Variants in MAML3 observed in about 807,000 individuals in gnomAD.
The protein encoded by MAML3 is mastermind like transcriptional coactivator 3, also known as mastermind-like protein 3.
Under a neutral mutation model 101.9 loss-of-function variants are expected in MAML3, and 27 were observed. That is an observed-to-expected ratio of 0.27 (90% CI 0.20 to 0.37). MAML3 has a LOEUF of 0.37. Among genes scored for constraint, MAML3 ranks in the 10% least tolerant of loss-of-function variants. The probability of loss-of-function intolerance (pLI) is 1.00; values close to 1 mark genes in which losing one functional copy is unlikely to be tolerated. For missense variants in MAML3, 1,316 were observed against 1,444.9 expected, an observed-to-expected ratio of 0.91 and a Z score of 1.45; for synonymous variants, 501 against 555.9, an observed-to-expected ratio of 0.90 and a Z score of 1.39.
chr4:139,849,172 G>C (rs1731504650), intron 2 of MAML3, among the ~76,000 whole-genome samples: 1 of 152,082 alleles, frequency 6.6e-6, no homozygotes, highest in Admixed American at 6.6e-5. Context: ...TGACTATCCT[G>C]ATCATAGAAA....
intron 2 of MAML3, among the ~76,000 whole-genome samples, chr4:139,835,338 T>C (rs1731239877): frequency 6.6e-6 from 1 of 152,370 alleles, no homozygotes; most frequent in African/African-American, 2.4e-5. Flanking sequence ...AAATTCTAAG[T>C]GTTCAATGAA....
intron 2 of MAML3, among the ~76,000 whole-genome samples, chr4:139,782,447 G>A (rs1578598629): frequency 6.6e-6 from 1 of 152,336 alleles, no homozygotes; most frequent in South Asian, 2.1e-4. Flanking sequence ...GATTACAGGT[G>A]TGAGCCACTG....
At chr4:140,116,432 G>C (rs556435591) in intron 1 of MAML3, among the ~76,000 whole-genome samples, 1 of 152,318 alleles carries the variant, frequency 6.6e-6, no homozygotes, top group East Asian at 1.9e-4. Context: ...TGCATGTTCA[G>C]GGCTATTGCC....
intron 1 of MAML3, among the ~76,000 whole-genome samples, chr4:139,912,408 G>A (rs774575622): frequency 5.9e-5 from 9 of 152,184 alleles, no homozygotes; most frequent in East Asian, 1.9e-4. Context: ...TGAAGGTTTC[G>A]TACAGCTAGT....
At chr4:139,910,297 A>G (rs1732894490) in intron 1 of MAML3, among the ~76,000 whole-genome samples, 1 of 152,210 alleles carries the variant, frequency 6.6e-6, no homozygotes, top group African/African-American at 2.4e-5. Context: ...CTGTGGTTTA[A>G]TAAACCCTCC....
intron 2 of MAML3, among the ~76,000 whole-genome samples, chr4:139,749,075 C>T (rs1013807432): frequency 2.0e-5 from 3 of 152,260 alleles, no homozygotes; most frequent in African/African-American, 7.2e-5. Flanking sequence ...CTAAACAGAG[C>T]TCAAATGGAA....
intron 2 of MAML3, among the ~76,000 whole-genome samples, chr4:139,771,837 C>T (rs531122795): frequency 2.0e-5 from 3 of 151,742 alleles, no homozygotes; most frequent in South Asian, 2.1e-4. Context: ...GGATGGGGCC[C>T]GAGTATCTTC....
intron 2 of MAML3, among the ~76,000 whole-genome samples, chr4:139,835,344 A>G (rs921153757): frequency 6.6e-6 from 1 of 152,246 alleles, no homozygotes; most frequent in Non-Finnish European, 1.5e-5. Context: ...TAAGTGTTCA[A>G]TGAACACTGC....
chr4:139,860,584 C>T (rs1731759079), intron 2 of MAML3, among the ~76,000 whole-genome samples: 1 of 152,206 alleles, frequency 6.6e-6, no homozygotes, highest in African/African-American at 2.4e-5. Context: ...GGGCTTTGTC[C>T]ACCGTCCTGC....
chr4:140,064,827 C>T (rs1727505119), intron 1 of MAML3, among the ~76,000 whole-genome samples: 1 of 152,184 alleles, frequency 6.6e-6, no homozygotes, highest in Admixed American at 6.5e-5. Flanking sequence ...AGAACAACAG[C>T]TATGCCCTAA....
At chr4:139,733,743 G>A (rs1414525188) in intron 2 of MAML3, among the ~76,000 whole-genome samples, 4 of 152,142 alleles carry the variant, frequency 2.6e-5, no homozygotes, top group African/African-American at 9.7e-5. Context: ...GGGGTGCAGT[G>A]GTATGATCAT....
intron 1 of MAML3, among the ~76,000 whole-genome samples, chr4:139,973,118 C>G (rs1205555164): frequency 1.3e-5 from 2 of 152,204 alleles, no homozygotes; most frequent in African/African-American, 4.8e-5. Context: ...AGCCATAAAT[C>G]AAGCTACTTG....
At chr4:139,903,047 G>C (rs542386604) in intron 1 of MAML3, among the ~76,000 whole-genome samples, 2 of 152,174 alleles carry the variant, frequency 1.3e-5, no homozygotes, top group African/African-American at 2.4e-5. Flanking sequence ...TCATCTCCTG[G>C]GTAGGAACTG....
chr4:140,129,580 C>T (rs973691400), intron 1 of MAML3, among the ~76,000 whole-genome samples: 1 of 152,262 alleles, frequency 6.6e-6, no homozygotes, highest in Non-Finnish European at 1.5e-5. Context: ...AGAGACCAAA[C>T]GTGTAGAAAC....
rs779821342 is a variant in MAML3, at chr4:140,153,274, G to T, written c.54C>A (p.Ile18=). ...CGAGGCTGCTGTTCAGGCTACTGTTGATGCAAATACTACTGCCATTCGCGG... is the reference window on the plus strand; with the variant it reads ...CGAGGCTGCTGTTCAGGCTACTGTTTATGCAAATACTACTGCCATTCGCGG... ...AAAANGSSIC[I]NSSLNSSLGG... The change falls in exon 1 of 5, where the codon ATC becomes ATA. Residue 18 remains isoleucine, a synonymous_variant. Transcript: ENST00000509479. 5.6e-6 allele frequency: 9 copies of T among 1,609,516 alleles called. No individual in the cohort carries two copies. The highest frequency in any genetic ancestry group is 5.9e-6 in the Non-Finnish European group (7 of 1,178,358).
At chr4:139,872,088 A>AAGAT (rs1732019641) in intron 2 of MAML3, among the ~76,000 whole-genome samples, 1 of 152,244 alleles carries the variant, frequency 6.6e-6, no homozygotes, top group South Asian at 2.1e-4. Flanking sequence ...CCTAATCCAA[A>AAGAT]AGATGGCTAG....
At chr4:139,745,639 G>C (rs1397657480) in intron 2 of MAML3, among the ~76,000 whole-genome samples, 1 of 152,196 alleles carries the variant, frequency 6.6e-6, no homozygotes, top group African/African-American at 2.4e-5. Flanking sequence ...GCTCTGCCCA[G>C]TCCACATGGC....
rs1189405961 is a variant in MAML3, at chr4:139,717,764, A to AG, written c.*1558dup. On this transcript the variant is annotated 3_prime_UTR_variant, in exon 5 of 5. Transcript: ENST00000509479. ...CCAGCGTCTAGGACACGGAGGGAGGAGGGGACAGGAAAAAAGCACACGCCA... is the reference window on the plus strand; with the variant it reads ...CCAGCGTCTAGGACACGGAGGGAGGAGGGGGACAGGAAAAAAGCACACGCCA... The AG allele has an allele frequency of 6.6e-6, 1 of 152,202 alleles. No individual in the cohort carries two copies. Among genetic ancestry groups the AG allele is most frequent in the Non-Finnish European group, 1.5e-5 (1 of 68,152 alleles). 9.4% of individuals were successfully genotyped at this position (152,202 alleles called of 1,614,324 possible). A position where few individuals can be genotyped will look rare whatever the true frequency, so the allele number is the denominator to read the frequency against.
At chr4:139,865,489 T>TG (rs1553961139) in intron 2 of MAML3, among the ~76,000 whole-genome samples, 3 of 100,444 alleles carry the variant, frequency 3.0e-5, no homozygotes, top group African/African-American at 2.4e-4. Flanking sequence ...TAAAAGGTTT[T>TG]TTTTTTGTTT....
Sources: allele counts gnomAD v4.1 joint callset (sites outside exome capture counted in the v4.1 genomes callset), GRCh38; gene constraint gnomAD v4.1.1; transcripts MANE v1.5; gene names NCBI Gene and HGNC (gene_info 2026-07-23, HGNC 2026-07-21).